Variants in NECTIN2 observed in about 807,000 individuals in gnomAD.
NECTIN2 encodes nectin-2.
NECTIN2 carries 23 observed loss-of-function variants against 56.9 expected under a neutral mutation model. The ratio of observed to expected loss-of-function variants is 0.40; its 90% CI spans 0.29 to 0.57. NECTIN2 has a LOEUF of 0.57. Ranked by LOEUF, NECTIN2 falls within the 20% of genes least tolerant of loss-of-function variation. The probability of loss-of-function intolerance (pLI) is 0.38; values close to 1 mark genes in which losing one functional copy is unlikely to be tolerated. For synonymous variants in NECTIN2, 302 were observed against 313.8 expected, an observed-to-expected ratio of 0.96 and a Z score of 0.40; for missense variants, 587 against 718.3, an observed-to-expected ratio of 0.82 and a Z score of 2.09.
intron 8 of NECTIN2, 54 bp downstream of exon 8, chr19:44,886,273 G>A: frequency 6.8e-7 from 1 of 1,460,758 alleles, no homozygotes. Flanking sequence ...TGAAGGGCCA[G>A]GGGTCAGGCC....
At chr19:44,847,614 C>T (rs1968851030) in intron 1 of NECTIN2, among the ~76,000 whole-genome samples, 1 of 152,152 alleles carries the variant, frequency 6.6e-6, no homozygotes, top group Admixed American at 6.5e-5. Flanking sequence ...ACGGGAGGCC[C>T]CGAGTCCCAG....
intron 2 of NECTIN2, among the ~76,000 whole-genome samples, chr19:44,868,559 G>A (rs1196428435): frequency 2.1e-5 from 3 of 145,222 alleles, no homozygotes; most frequent in Non-Finnish European, 3.0e-5. Flanking sequence ...TCCTACCTCC[G>A]CCTCCTGCAT....
chr19:44,849,188 G>A (rs1204193769), intron 1 of NECTIN2, among the ~76,000 whole-genome samples: 1 of 152,086 alleles, frequency 6.6e-6, no homozygotes, highest in Non-Finnish European at 1.5e-5. Context: ...AGGATAGAAG[G>A]GGAGTGAAAT....
intron 8 of NECTIN2, among the ~76,000 whole-genome samples, chr19:44,887,569 C>T (rs541034898): frequency 7.9e-5 from 12 of 152,146 alleles, no homozygotes; most frequent in East Asian, 3.9e-4. Flanking sequence ...CGCTTGGACC[C>T]GGGAGGCAGA....
chr19:44,883,268 CTT>C (rs1181616341), intron 6 of NECTIN2, among the ~76,000 whole-genome samples: 1 of 152,050 alleles, frequency 6.6e-6, no homozygotes, highest in Non-Finnish European at 1.5e-5. Flanking sequence ...AATCCCAGCA[CTT>C]TGTTTTGTTT....
Position 44,852,526 on chromosome 19 carries a change from C to CAA in NECTIN2, c.88+5927_88+5928dup, listed in dbSNP as rs58168769. ...CCCGAGACAGAGCAAGACTCCGTCT[C>CAA]AAAAAAAAAAAAAAACAGAAAAGAC... On this transcript the variant is annotated intron_variant, in intron 1 of 8. Coordinates refer to ENST00000252483, the MANE Select transcript of NECTIN2 (RefSeq NM_001042724.2). Among the ~76,000 whole-genome samples, 955 of 124,114 alleles carry CAA rather than the reference C, an allele frequency of 7.7e-3. 14 individuals are homozygous for CAA. Among genetic ancestry groups the CAA allele is most frequent in the African/African-American group, 0.026 (876 of 33,394 alleles). The allele number at this position is 124,114 out of a possible 152,430, so 81.4% of individuals were successfully genotyped here.
chr19:44,886,266 A>C (rs759685663), intron 8 of NECTIN2, 47 bp downstream of exon 8: 1 of 1,501,342 alleles, frequency 6.7e-7, no homozygotes. Flanking sequence ...TCTGGGTTGA[A>C]GGGCCAGGGG....
intron 5 of NECTIN2, chr19:44,878,929 G>A: frequency 8.5e-7 from 1 of 1,179,730 alleles, no homozygotes. Context: ...AAATGCCTTG[G>A]AGGAAAACAT....
chr19:44,855,272 A>C (rs1333497154), intron 1 of NECTIN2, among the ~76,000 whole-genome samples: 1 of 148,244 alleles, frequency 6.7e-6, no homozygotes, highest in East Asian at 2.0e-4. Context: ...AAAAATACAA[A>C]AAATTAGCAG....
At chr19:44,855,318 G>A (rs192849087) in intron 1 of NECTIN2, among the ~76,000 whole-genome samples, 1,795 of 151,742 alleles carry the variant, frequency 0.012, 12 homozygotes, top group Non-Finnish European at 0.015. Context: ...CCAGCTACTC[G>A]GGAGGCTGAG....
At position 44,886,188 on chromosome 19, in the gene NECTIN2, A is replaced by G. The variant is rs748386034; in HGVS notation, c.1316A>G (p.Tyr439Cys). 5 of 1,612,622 alleles carry G rather than the reference A, an allele frequency of 3.1e-6. No homozygotes were observed. In the East Asian group the frequency reaches 8.9e-5, roughly 29 times the overall value. Residue 439 changes from tyrosine (Y) to cysteine (C), a missense_variant, in exon 8 of 9, where the codon TAC becomes TGC. Tyr to Cys is a radical substitution (Grantham distance 194). Transcript: ENST00000252483. ...GAGCACAGCCCACTCAAGACCCCCTACTTTGATGCTGGCGCCTCATGCACT... is the reference window on the plus strand; with the variant it reads ...GAGCACAGCCCACTCAAGACCCCCTGCTTTGATGCTGGCGCCTCATGCACT... ...ASEHSPLKTP[Y>C]FDAGASCTEQ...
chr19:44,873,220 C>T (rs1216781639), intron 3 of NECTIN2, among the ~76,000 whole-genome samples: 1 of 152,204 alleles, frequency 6.6e-6, no homozygotes, highest in Non-Finnish European at 1.5e-5. Flanking sequence ...CCCCAGGCAA[C>T]ATGCATCACG....
intron 1 of NECTIN2, among the ~76,000 whole-genome samples, chr19:44,858,316 C>G (rs1968991350): frequency 6.7e-6 from 1 of 149,778 alleles, no homozygotes; most frequent in Non-Finnish European, 1.5e-5. Context: ...CTTCAGTCTT[C>G]GCTGATGGCT....
intron 3 of NECTIN2, among the ~76,000 whole-genome samples, chr19:44,872,403 C>G (rs984598755): frequency 4.6e-5 from 7 of 152,052 alleles, no homozygotes; most frequent in East Asian, 3.8e-4. Context: ...CTTGCAAGAG[C>G]CAGTTTGATA....
chr19:44,872,644 C>T (rs1568595355), intron 3 of NECTIN2, among the ~76,000 whole-genome samples: 1 of 151,908 alleles, frequency 6.6e-6, no homozygotes, highest in Admixed American at 6.6e-5. Context: ...GGGCCATGTC[C>T]ACATGTCTAC....
intron 1 of NECTIN2, among the ~76,000 whole-genome samples, chr19:44,856,106 G>T (rs903814478): frequency 6.6e-6 from 1 of 152,182 alleles, no homozygotes; most frequent in African/African-American, 2.4e-5. Flanking sequence ...TTCGAGGCCA[G>T]CCTGGCCAAG....
At chr19:44,869,606 A>G (rs1290640213) in intron 2 of NECTIN2, among the ~76,000 whole-genome samples, 1 of 144,326 alleles carries the variant, frequency 6.9e-6, no homozygotes, top group Non-Finnish European at 1.5e-5. Flanking sequence ...AAAAAAAAAA[A>G]AAAGAAAAGA....
chr19:44,881,187 C>T (rs1382122159), intron 5 of NECTIN2, among the ~76,000 whole-genome samples: 3 of 152,072 alleles, frequency 2.0e-5, no homozygotes, highest in Non-Finnish European at 1.5e-5. Flanking sequence ...GGATTACAGG[C>T]GTCAGTCACT....
At chr19:44,883,975 C>T (rs908730747) in intron 6 of NECTIN2, among the ~76,000 whole-genome samples, 2 of 151,724 alleles carry the variant, frequency 1.3e-5, no homozygotes, top group African/African-American at 4.8e-5. Flanking sequence ...AAAAATTACC[C>T]AGACCTGGTA....
Sources: allele counts gnomAD v4.1 joint callset (sites outside exome capture counted in the v4.1 genomes callset), GRCh38; gene constraint gnomAD v4.1.1; transcripts MANE v1.5; gene names NCBI Gene and HGNC (gene_info 2026-07-23, HGNC 2026-07-21).